ARL17B: variants seen among roughly 807,000 people sequenced by gnomAD.
ARL17B encodes ADP-ribosylation factor-like protein 17.
At chr17:46,277,772 G>A (rs536275664) in intron 4 of ARL17B, among the ~76,000 whole-genome samples, 16,396 of 148,702 alleles carry the variant, frequency 0.11, no homozygotes, top group Non-Finnish European at 0.17. Context: ...TCAGCCTCCC[G>A]AGTAGCTGGG....
chr17:46,290,644 G>T (rs1409586005), intron 4 of ARL17B, among the ~76,000 whole-genome samples: 1 of 152,044 alleles, frequency 6.6e-6, no homozygotes. Flanking sequence ...ACGGGGTTTC[G>T]CCCTGTTAGC....
downstream of ARL17B, chr17:46,330,930 A>C (rs1382514794): frequency 1.4e-6 from 1 of 726,012 alleles, no homozygotes; most frequent in Admixed American, 2.9e-5. Flanking sequence ...GAACAGCCCC[A>C]CACACAGCAG....
intron 3 of ARL17B, among the ~76,000 whole-genome samples, chr17:46,348,864 A>G (rs1312566865): frequency 6.6e-6 from 1 of 151,902 alleles, no homozygotes. Context: ...TACAAACTAT[A>G]TTTCAGGGAA....
intron 4 of ARL17B, among the ~76,000 whole-genome samples, chr17:46,291,081 A>C (rs1482526169): frequency 2.0e-5 from 3 of 152,242 alleles, no homozygotes; most frequent in African/African-American, 7.2e-5. Context: ...GTCAAAAGAG[A>C]AGCAATGTGA....
chr17:46,274,323 C>T (rs573214315), downstream of ARL17B, among the ~76,000 whole-genome samples: 1 of 152,366 alleles, frequency 6.6e-6, no homozygotes, highest in East Asian at 1.9e-4. Flanking sequence ...CTCATTTCAA[C>T]CTGGTGTGGA....
At chr17:46,278,305 T>C (rs1429227144) in intron 4 of ARL17B, among the ~76,000 whole-genome samples, 1 of 152,246 alleles carries the variant, frequency 6.6e-6, no homozygotes, top group Admixed American at 6.5e-5. Flanking sequence ...AGCCCTGTGA[T>C]GGCAAATGAG....
chr17:46,282,246 G>T, intron 4 of ARL17B, among the ~76,000 whole-genome samples: 1 of 152,030 alleles, frequency 6.6e-6, no homozygotes, highest in Admixed American at 6.5e-5. Context: ...GGGACTACAG[G>T]CGTCTGCCAC....
intron 3 of ARL17B, among the ~76,000 whole-genome samples, chr17:46,317,160 G>A (rs1266509775): frequency 1.1e-5 from 1 of 90,306 alleles, no homozygotes; most frequent in African/African-American, 3.0e-5. Flanking sequence ...GCCGGGCAGA[G>A]GCGCTCCTCA....
chr17:46,282,405 A>G (rs2049790666), intron 4 of ARL17B, among the ~76,000 whole-genome samples: 1 of 145,368 alleles, frequency 6.9e-6, no homozygotes, highest in Non-Finnish European at 1.5e-5. Flanking sequence ...ACCTGGCCTC[A>G]GTTTTTTGTT....
chr17:46,277,539 G>A (rs1206615418), intron 4 of ARL17B, among the ~76,000 whole-genome samples: 4 of 152,164 alleles, frequency 2.6e-5, no homozygotes, highest in African/African-American at 4.8e-5. Context: ...ATGAGAAGTT[G>A]TGCTCCTCTG....
chr17:46,287,937 C>G (rs571758215), intron 4 of ARL17B, among the ~76,000 whole-genome samples: 1 of 152,194 alleles, frequency 6.6e-6, no homozygotes, highest in African/African-American at 2.4e-5. Flanking sequence ...TTGATAGGCA[C>G]AGTGTAGGAA....
chr17:46,348,693 A>AAGAT (rs1452236622), intron 3 of ARL17B, among the ~76,000 whole-genome samples: 1 of 109,708 alleles, frequency 9.1e-6, no homozygotes, highest in East Asian at 2.8e-4. Flanking sequence ...GTGCCAGTCC[A>AAGAT]AGATAAATGG....
intron 4 of ARL17B, among the ~76,000 whole-genome samples, chr17:46,276,509 A>G (rs1353359889): frequency 6.6e-6 from 1 of 152,246 alleles, no homozygotes; most frequent in Non-Finnish European, 1.5e-5. Flanking sequence ...GACTAAAGAT[A>G]TCACAATCCG....
intron 4 of ARL17B, among the ~76,000 whole-genome samples, chr17:46,290,672 C>G (rs1424114998): frequency 5.3e-5 from 8 of 152,224 alleles, no homozygotes; most frequent in Admixed American, 6.5e-5. Flanking sequence ...GTCTCGAACT[C>G]CTGACCTCAA....
chr17:46,348,476 CATCCAGCCACGAAATGAAG>C (rs1417342890), intron 3 of ARL17B, among the ~76,000 whole-genome samples: 2 of 28,588 alleles, frequency 7.0e-5, no homozygotes, highest in South Asian at 1.6e-3. Context: ...TGCCTACTGT[CATCCAGCCACGAAATGAAG>C]CATTTTACAT....
rs1252909168 is a variant in ARL17B at position 46,308,235 on chromosome 17, C to T, written c.260-8570G>A. On this transcript the variant is annotated intron_variant, in intron 3 of 4. Coordinates refer to the ARL17B transcript ENST00000434041. Reference sequence around the variant, plus strand: ...GACACACCAAGATGAGGACTTTGTCCCCAGGGGACTTTCATTCCTCAAGGA... The same window carrying T: ...GACACACCAAGATGAGGACTTTGTCTCCAGGGGACTTTCATTCCTCAAGGA... Among the ~76,000 whole-genome samples the T allele has an allele frequency of 5.9e-5, 2 of 34,054 alleles. 1 individual carries two copies. The highest frequency in any genetic ancestry group is 1.4e-4 in the African/African-American group (2 of 14,704). The allele number at this position is 34,054 out of a possible 152,430, so 22.3% of individuals were successfully genotyped here. A position where few individuals can be genotyped will look rare whatever the true frequency, so the allele number is the denominator to read the frequency against.
chr17:46,340,748 G>A (rs1479615070), intron 3 of ARL17B, among the ~76,000 whole-genome samples: 1 of 76,248 alleles, frequency 1.3e-5, no homozygotes, highest in East Asian at 2.4e-4. Context: ...CACCATGTTG[G>A]CCAGGCTAGT....
intron 4 of ARL17B, among the ~76,000 whole-genome samples, chr17:46,281,805 G>A (rs1417743511): frequency 6.6e-6 from 1 of 151,906 alleles, no homozygotes; most frequent in Non-Finnish European, 1.5e-5. Flanking sequence ...CACCACACCT[G>A]GCTAATTTTT....
At chr17:46,300,462 A>T (rs1249706963) in intron 3 of ARL17B, among the ~76,000 whole-genome samples, 3 of 19,308 alleles carry the variant, frequency 1.6e-4, no homozygotes, top group Admixed American at 5.9e-4. Context: ...TATAACAAAA[A>T]CTCTCCTTGT....
Sources: allele counts gnomAD v4.1 joint callset (sites outside exome capture counted in the v4.1 genomes callset), GRCh38; gene constraint gnomAD v4.1.1; transcripts MANE v1.5; gene names NCBI Gene and HGNC (gene_info 2026-07-23, HGNC 2026-07-21).